The following SPINK5 variants were observed in gnomAD, a reference collection of about 807,000 sequenced individuals.
The protein encoded by SPINK5 is serine peptidase inhibitor Kazal type 5.
SPINK5 carries 125 observed loss-of-function variants against 151.8 expected under a neutral mutation model. The ratio of observed to expected loss-of-function variants is 0.82; its 90% confidence interval spans 0.71 to 0.96. SPINK5 has a LOEUF of 0.96. Among genes scored for constraint, SPINK5 ranks in the 40% least tolerant of loss-of-function variants. The pLI, the probability that SPINK5 is intolerant of heterozygous loss-of-function variation, is 0.00. For missense variants in SPINK5, 1,194 were observed against 1,291.9 expected, an observed-to-expected ratio of 0.92 and a Z score of 1.16; for synonymous variants, 374 against 395.3, an observed-to-expected ratio of 0.95 and a Z score of 0.64.
chr5:148,109,278 T>A (rs888702515), intron 18 of SPINK5, among the ~76,000 whole-genome samples: 1 of 152,118 alleles, frequency 6.6e-6, no homozygotes. Flanking sequence ...TGAGTTTGCA[T>A]TCTTTAACAT....
At chr5:148,099,199 C>G (rs766949147) in intron 11 of SPINK5, 35 bp from the exon 12 acceptor site, 11 of 1,570,416 alleles carry the variant, frequency 7.0e-6, no homozygotes, top group Non-Finnish European at 9.6e-6. Context: ...TGTGTTTGTT[C>G]CTAATGGATC....
At chr5:148,093,178 C>T (rs368817978) in intron 8 of SPINK5, among the ~76,000 whole-genome samples, 2 of 151,912 alleles carry the variant, frequency 1.3e-5, no homozygotes, top group African/African-American at 2.4e-5. Context: ...TATCTCACCA[C>T]AAAATGTTTA....
In SPINK5 at chr5:148,120,717, C is replaced by T. The variant is rs151156999; in HGVS notation, c.2538+326C>T. On this transcript the variant is annotated intron_variant, in intron 26 of 32. Coordinates refer to ENST00000256084, the MANE Select transcript of SPINK5 (RefSeq NM_006846.4). ...GAACTCCTGAGCTCAAGCAATTTGCCGGAGCTCAAGTCTCAGCCTCCCAAA... is the reference window on the plus strand; with the variant it reads ...GAACTCCTGAGCTCAAGCAATTTGCTGGAGCTCAAGTCTCAGCCTCCCAAA... Among the ~76,000 whole-genome samples, 757 of 152,146 alleles carry T rather than the reference C, an allele frequency of 5.0e-3. 7 individuals carry two copies. The highest frequency in any genetic ancestry group is 0.017 in the African/African-American group (718 of 41,500).
At position 148,137,292 on chromosome 5, in the gene SPINK5, C is replaced by T. The variant is rs187725907; in HGVS notation, c.*301C>T. ...AAGTAAACTCAGCAGAACACCCTTT[C>T]TGGGATTTCTTTGTCACTATCTGGA... On this transcript the variant is annotated 3_prime_UTR_variant, in exon 33 of 33. Transcript: ENST00000256084. 1.8e-4 allele frequency: 85 copies of T among 474,430 alleles called. No individual in the cohort carries two copies. Among genetic ancestry groups the T allele is most frequent in the Non-Finnish European group, 3.1e-4 (81 of 264,938 alleles). 29.4% of individuals were successfully genotyped at this position (474,430 alleles called of 1,614,324 possible).
In SPINK5 at chr5:148,125,806, T is replaced by C. The variant is rs1754415937; in HGVS notation, c.2823T>C (p.Asp941=). 6.2e-7 allele frequency: 1 copy of C among 1,614,114 alleles called. No individual in the cohort carries two copies. Among genetic ancestry groups the C allele is most frequent in the African/African-American group, 1.3e-5 (1 of 74,932 alleles). Residue 941 remains aspartate (D), a synonymous_variant, in exon 29 of 33, where the codon GAT becomes GAC. Transcript: ENST00000256084. ...AGAATGACCCAGTGCACGGTGCTGA[T>C]GGAAAGTTCTATACAAACAAGTGCT... ...PRENDPVHGA[D]GKFYTNKCYM...
rs776194091 is a variant in SPINK5, at chr5:148,099,272, G to A, written c.1049G>A (p.Arg350Gln). 8.7e-6 allele frequency: 14 copies of A among 1,612,076 alleles called. No individual in the cohort carries two copies. The East Asian group carries it at 1.1e-4, about 13-fold the overall frequency. Residue 350 changes from arginine to glutamine, a missense_variant, in exon 12 of 33, where the codon CGA (arginine) becomes CAA (glutamine). Physicochemically the swap from Arg to Gln is conservative, Grantham distance 43 (BLOSUM62 1). Transcript: ENST00000256084. ...GAAGAAAAGAAAAAGGCTGAAGCACGAGCTAGAAACAAAAGAGAATCTGGA... is the reference window on the plus strand; with the variant it reads ...GAAGAAAAGAAAAAGGCTGAAGCACAAGCTAGAAACAAAAGAGAATCTGGA... ...ENEEKKKAEA[R>Q]ARNKRESGKA... is the part of the protein sequence containing the mutation.
rs139607973 is a variant in SPINK5 at position 148,095,738 on chromosome 5, A to G, written c.795-80A>G. On this transcript the variant is annotated intron_variant, in intron 9 of 32. Coordinates refer to ENST00000256084, the MANE Select transcript of SPINK5 (RefSeq NM_006846.4). ...TACTAAAACTCAGGACAACTTAGATATTTTTCCATCTATACCTAATGACTG... is the reference window on the plus strand; with the variant it reads ...TACTAAAACTCAGGACAACTTAGATGTTTTTCCATCTATACCTAATGACTG... 1.5e-5 allele frequency: 19 copies of G among 1,244,580 alleles called. No homozygotes were observed. In the African/African-American group the frequency reaches 2.2e-4, roughly 14 times the overall value. 77.1% of individuals were successfully genotyped at this position (1,244,580 alleles called of 1,614,324 possible).
Position 148,111,863 on chromosome 5 carries a change from C to T in SPINK5, c.1788C>T (p.His596=), listed in dbSNP as rs144664803. The change falls in exon 19 of 33, where the codon CAC becomes CAT. Residue 596 remains histidine (H), a synonymous_variant. Coordinates refer to ENST00000256084, the MANE Select transcript of SPINK5 (RefSeq NM_006846.4). ...TTGAGGGTCTAGATGGGAAAATCCA[C>T]GGCAACACCTGCTCCATGTGTGAAG... ...DPIEGLDGKI[H]GNTCSMCEAF... 55 of 1,614,018 alleles carry T rather than the reference C, an allele frequency of 3.4e-5. No homozygotes were observed. The highest frequency in any genetic ancestry group is 2.0e-4 in the Admixed American group (12 of 60,010).
intron 6 of SPINK5, chr5:148,088,871 C>G: frequency 2.1e-6 from 1 of 480,606 alleles, no homozygotes; most frequent in South Asian, 2.1e-5. Context: ...AAAAAGGAAA[C>G]TACATGTGTA....
Position 148,097,771 on chromosome 5 carries a change from C to T in SPINK5, c.883-96C>T, listed in dbSNP as rs1035143235. 21 of 1,330,478 alleles carry T rather than the reference C, an allele frequency of 1.6e-5. No individual in the cohort carries two copies. The African/African-American group carries it at 3.2e-4, about 20-fold the overall frequency. The allele number at this position is 1,330,478 out of a possible 1,614,324, so 82.4% of individuals were successfully genotyped here. On this transcript the variant is annotated intron_variant, in intron 10 of 32. Transcript: ENST00000256084. Reference sequence around the variant, plus strand: ...CCTAAATCTTAAAAGTTTTATTTTTCATCCTTAATTTCTCTTTTTTCTTTG... The same window carrying T: ...CCTAAATCTTAAAAGTTTTATTTTTTATCCTTAATTTCTCTTTTTTCTTTG...
chr5:148,102,725 T>A (rs1175234668), intron 15 of SPINK5, among the ~76,000 whole-genome samples: 1 of 152,144 alleles, frequency 6.6e-6, no homozygotes, highest in East Asian at 1.9e-4. Context: ...TTATGGGATT[T>A]TTTTGTTCAC....
chr5:148,090,940 T>G, intron 7 of SPINK5: 1 of 552,940 alleles, frequency 1.8e-6, no homozygotes, highest in South Asian at 2.3e-5. Context: ...GAAAGCTAAT[T>G]TACAGAAAGC....
At chr5:148,134,456 A>G (rs757476498) in intron 32 of SPINK5, among the ~76,000 whole-genome samples, 5 of 152,166 alleles carry the variant, frequency 3.3e-5, no homozygotes, top group Non-Finnish European at 7.3e-5. Flanking sequence ...AATAAGAGAA[A>G]AATGTTTTGT....
chr5:148,130,770 A>AT (rs2113232155), intron 30 of SPINK5, among the ~76,000 whole-genome samples: 1 of 152,210 alleles, frequency 6.6e-6, no homozygotes, highest in East Asian at 1.9e-4. Flanking sequence ...ATTATTTATG[A>AT]TTTTCTGGTG....
intron 20 of SPINK5, 79 bp from the exon 21 acceptor site, chr5:148,114,283 C>G: frequency 3.6e-5 from 45 of 1,239,316 alleles, no homozygotes; most frequent in African/African-American, 5.9e-5. Context: ...TTTTTTTTTT[C>G]TATAAAGCAC....
intron 16 of SPINK5, among the ~76,000 whole-genome samples, chr5:148,105,279 T>TTA (rs1753751637): frequency 1.3e-5 from 2 of 152,236 alleles, no homozygotes; most frequent in African/African-American, 4.8e-5. Flanking sequence ...AGATTTCTGT[T>TTA]GTTAGAGTAT....
At chr5:148,098,148 A>G in intron 11 of SPINK5, 154 bp downstream of exon 11, 1 of 742,006 alleles carries the variant, frequency 1.3e-6, no homozygotes, top group Non-Finnish European at 2.2e-6. Flanking sequence ...AGCTGGGAGT[A>G]AGTACCTAGA....
At chr5:148,136,310 A>G (rs1265231223) in intron 32 of SPINK5, among the ~76,000 whole-genome samples, 1 of 152,136 alleles carries the variant, frequency 6.6e-6, no homozygotes, top group Non-Finnish European at 1.5e-5. Flanking sequence ...GATTCAGGAA[A>G]ACCGAAGCTT....
At position 148,089,540 on chromosome 5, in the gene SPINK5, G is replaced by C; in HGVS notation, c.521G>C (p.Gly174Ala). The C allele has an allele frequency of 6.2e-7, 1 of 1,612,076 alleles. No homozygotes were observed. The highest frequency in any genetic ancestry group is 8.5e-7 in the Non-Finnish European group (1 of 1,178,748). The stretch of plus-strand genomic sequence containing the variant: ...CCCTTTGTTAGAGATGGAAGACTTG[G>C]ATGCACAAGGGAAAATGATCCTGTT... ...FRPFVRDGRL[G>A]CTRENDPVLG... Residue 174 changes from glycine to alanine, a missense_variant, in exon 7 of 33, where the codon GGA becomes GCA. Transcript: ENST00000256084.
Sources: gnomAD v4.1 joint callset for allele counts (sites outside exome capture counted in the v4.1 genomes callset) on GRCh38, gnomAD v4.1.1 for gene constraint, MANE v1.5 for transcripts, NCBI Gene and HGNC (gene_info 2026-07-23, HGNC 2026-07-21) for gene names.